DEPTOR: variants seen among roughly 807,000 people sequenced by gnomAD.
DEPTOR encodes the protein DEP domain containing MTOR interacting protein, also known as DEP domain-containing mTOR-interacting protein.
A neutral mutation model predicts 41.6 loss-of-function variants in DEPTOR; 41 were observed. The ratio of observed to expected loss-of-function variants is 0.98; its 90% CI spans 0.77 to 1.28. The LOEUF (loss-of-function observed/expected upper bound fraction) is 1.28. Ranked by LOEUF, DEPTOR falls within the 50% of genes most tolerant of loss-of-function variation. The probability of loss-of-function intolerance (pLI) is 0.00; values close to 1 mark genes in which losing one functional copy is unlikely to be tolerated. For missense variants in DEPTOR, 514 were observed against 527.9 expected (o/e 0.97, Z 0.26); for synonymous variants, 195 against 192.3 (o/e 1.01, Z -0.12).
chr8:119,980,764 C>T (rs573091637), intron 4 of DEPTOR, among the ~76,000 whole-genome samples: 26 of 152,104 alleles, frequency 1.7e-4, no homozygotes, highest in Admixed American at 2.0e-4. Context: ...GTGATCCACC[C>T]GCCTCGGCCT....
intron 8 of DEPTOR, among the ~76,000 whole-genome samples, chr8:120,031,349 CA>C (rs1353440407): frequency 6.6e-6 from 1 of 152,056 alleles, no homozygotes; most frequent in Admixed American, 6.5e-5. Context: ...CCTGTAATCC[CA>C]GCTACTTGAG....
At chr8:119,999,818 T>G (rs1812320895) in intron 4 of DEPTOR, among the ~76,000 whole-genome samples, 1 of 152,158 alleles carries the variant, frequency 6.6e-6, no homozygotes, top group African/African-American at 2.4e-5. Context: ...GCATCAGGAA[T>G]TCAGTGAAGG....
At chr8:119,929,631 G>T (rs1045158310) in intron 2 of DEPTOR, among the ~76,000 whole-genome samples, 184 bp from the exon 3 acceptor site, 11 of 152,118 alleles carry the variant, frequency 7.2e-5, no homozygotes, top group African/African-American at 2.4e-4. Flanking sequence ...TAAAAATACT[G>T]AGGACTTACT....
intron 7 of DEPTOR, 144 bp downstream of exon 7, chr8:120,007,019 T>C (rs2130096711): frequency 1.3e-6 from 1 of 759,418 alleles, no homozygotes; most frequent in East Asian, 2.7e-5. Context: ...ATACTAGGCT[T>C]TCTTGACCTC....
rs555794896 is a variant in DEPTOR at position 119,957,780 on chromosome 8, G to A, written c.426-7452G>A. ...ATTTTTGTATTTTTAGTAAAGACAGGGTTTCACCATGTTGGCCAGGATGGT... is the reference window on the plus strand; with the variant it reads ...ATTTTTGTATTTTTAGTAAAGACAGAGTTTCACCATGTTGGCCAGGATGGT... On this transcript the variant is annotated intron_variant, in intron 3 of 8. Coordinates refer to ENST00000286234, the MANE Select transcript of DEPTOR (RefSeq NM_022783.4). Among the ~76,000 whole-genome samples, 10 of 152,132 alleles carry A rather than the reference G, an allele frequency of 6.6e-5. No individual in the cohort carries two copies. The South Asian group carries it at 1.5e-3, about 22-fold the overall frequency.
intron 1 of DEPTOR, among the ~76,000 whole-genome samples, chr8:119,919,752 C>T (rs1827866738): frequency 6.6e-6 from 1 of 152,162 alleles, no homozygotes; most frequent in Non-Finnish European, 1.5e-5. Context: ...ATTTGGCTTG[C>T]TGTGTTTGTT....
At chr8:119,916,617 T>G (rs560792652) in intron 1 of DEPTOR, among the ~76,000 whole-genome samples, 6 of 152,304 alleles carry the variant, frequency 3.9e-5, no homozygotes, top group Non-Finnish European at 8.8e-5. Flanking sequence ...TTAGAAAGGT[T>G]CTATCCAACT....
At chr8:120,025,604 C>G (rs1285251546) in intron 8 of DEPTOR, among the ~76,000 whole-genome samples, 1 of 152,180 alleles carries the variant, frequency 6.6e-6, no homozygotes, top group Non-Finnish European at 1.5e-5. Context: ...TGCCATCCAC[C>G]CAGTTACTGG....
intron 1 of DEPTOR, among the ~76,000 whole-genome samples, chr8:119,883,042 A>C (rs1190421959): frequency 6.6e-6 from 1 of 152,148 alleles, no homozygotes; most frequent in Non-Finnish European, 1.5e-5. Flanking sequence ...GGATGCTTGC[A>C]AGGTGGTACC....
intron 1 of DEPTOR, among the ~76,000 whole-genome samples, chr8:119,881,245 G>A (rs1422913256): frequency 6.6e-6 from 1 of 152,178 alleles, no homozygotes; most frequent in East Asian, 1.9e-4. Flanking sequence ...AAACAGGCCA[G>A]GTGTGGTGGG....
intron 2 of DEPTOR, 47 bp from the exon 3 acceptor site, chr8:119,929,768 G>A (rs1828016296): frequency 1.3e-6 from 2 of 1,563,252 alleles, no homozygotes; most frequent in Non-Finnish European, 1.7e-6. Context: ...AATTAAATAA[G>A]AGCGATTTTT....
chr8:119,976,353 G>A (rs1828696422), intron 4 of DEPTOR, among the ~76,000 whole-genome samples: 1 of 151,968 alleles, frequency 6.6e-6, no homozygotes, highest in Admixed American at 6.6e-5. Context: ...CTATTGGTTT[G>A]GCGCATATAT....
intron 8 of DEPTOR, among the ~76,000 whole-genome samples, chr8:120,038,092 C>A (rs1176152540): frequency 2.0e-5 from 3 of 146,938 alleles, no homozygotes; most frequent in Non-Finnish European, 3.0e-5. Context: ...CATGATGCAA[C>A]CCCTGTCTCT....
chr8:119,922,195 C>A (rs147212083), intron 1 of DEPTOR, among the ~76,000 whole-genome samples: 32,683 of 149,278 alleles, frequency 0.22, 4,081 homozygotes, highest in African/African-American at 0.34. Flanking sequence ...GCCAAGATGG[C>A]GCCATTGCAC....
chr8:119,991,088 T>TTCTTTCTTTCTTTC (rs1368002570), intron 4 of DEPTOR, among the ~76,000 whole-genome samples: 1 of 45,796 alleles, frequency 2.2e-5, no homozygotes. Flanking sequence ...CTTTCTTTCT[T>TTCTTTCTTTCTTTC]TTTCTTTCTT....
rs1323412652 is a variant in DEPTOR, at chr8:119,988,956, T to TCC, written c.605-12569_605-12568insCC. ...GTGCTATAGCCATATCCTTTTTTTT[T>TCC]TCTTTTTTTTTTTTTTTTTTTTTTA... On this transcript the variant is annotated intron_variant, in intron 4 of 8. Transcript: ENST00000286234. Among the ~76,000 whole-genome samples, 6 of 117,272 alleles carry TCC rather than the reference T, an allele frequency of 5.1e-5. No homozygotes were observed. In the South Asian group the frequency reaches 8.0e-4, roughly 16 times the overall value. 76.9% of individuals were successfully genotyped at this position (117,272 alleles called of 152,430 possible). A position where few individuals can be genotyped will look rare whatever the true frequency, so the allele number is the denominator to read the frequency against.
intron 1 of DEPTOR, among the ~76,000 whole-genome samples, chr8:119,882,754 T>C (rs1281091855): frequency 9.9e-5 from 15 of 152,116 alleles, no homozygotes; most frequent in Non-Finnish European, 2.2e-4. Flanking sequence ...CATTTCCCCT[T>C]CATTGGTGGC....
chr8:119,950,253 G>T (rs1324637912), intron 3 of DEPTOR, among the ~76,000 whole-genome samples: 1 of 152,146 alleles, frequency 6.6e-6, no homozygotes, highest in Non-Finnish European at 1.5e-5. Context: ...GTTGAATAAT[G>T]AAAGCGGAGA....
intron 1 of DEPTOR, among the ~76,000 whole-genome samples, chr8:119,880,098 C>T (rs1179530406): frequency 5.3e-5 from 8 of 151,710 alleles, no homozygotes; most frequent in Admixed American, 2.0e-4. Context: ...GCCGAGATTG[C>T]GCCACTGCAC....
Sources: allele counts gnomAD v4.1 joint callset (sites outside exome capture counted in the v4.1 genomes callset), GRCh38; gene constraint gnomAD v4.1.1; transcripts MANE v1.5; gene names NCBI Gene and HGNC (gene_info 2026-07-23, HGNC 2026-07-21).